The following ASTN2 variants were observed in gnomAD, a reference collection of about 807,000 sequenced individuals.
ASTN2 encodes astrotactin-2.
Under a neutral mutation model 139.8 loss-of-function variants are expected in ASTN2, and 54 were observed. The observed-to-expected ratio is 0.39, with a 90% CI of 0.31 to 0.48. ASTN2 has a LOEUF of 0.48. Among genes scored for constraint, ASTN2 ranks in the 20% least tolerant of loss-of-function variants. The pLI, the probability that ASTN2 is intolerant of heterozygous loss-of-function variation, is 0.95. For synonymous variants in ASTN2, 756 were observed against 719.5 expected, an observed-to-expected ratio of 1.05 and a Z score of -0.81; for missense variants, 1,565 against 1,725.1, an observed-to-expected ratio of 0.91 and a Z score of 1.64.
intron 19 of ASTN2, among the ~76,000 whole-genome samples, chr9:116,565,425 ATATATT>A (rs1853176935): frequency 1.7e-4 from 15 of 85,802 alleles, no homozygotes; most frequent in East Asian, 7.0e-4. Flanking sequence ...ATATATATAT[ATATATT>A]TATTTATTTA....
At position 117,414,966 on chromosome 9, in the gene ASTN2, G is replaced by C. The variant is rs1439968487; in HGVS notation, c.-28C>G. ...CGGGAGGGGCTGCGGTGCTGCGGGC[G>C]GCGGCGGCGGTGGCGGCGGTGGCGA... On this transcript the variant is annotated 5_prime_UTR_variant, in exon 1 of 23. Coordinates refer to ENST00000313400, the MANE Select transcript of ASTN2 (RefSeq NM_001365068.1). This position sits in a 1 kb window ranked among gnomAD's most constrained non-coding sequence, Gnocchi z 4.2. 1 of 238,708 alleles carries C rather than the reference G, an allele frequency of 4.2e-6. No individual in the cohort carries two copies. The highest frequency in any genetic ancestry group is 7.2e-6 in the Non-Finnish European group (1 of 138,364). 14.8% of individuals were successfully genotyped at this position (238,708 alleles called of 1,614,324 possible). A position where few individuals can be genotyped will look rare whatever the true frequency, so the allele number is the denominator to read the frequency against.
chr9:116,548,202 GTCAGGAGGCTGCCCTCCTGCCTGGCT>G (rs1564106454), intron 19 of ASTN2, among the ~76,000 whole-genome samples: 1 of 152,212 alleles, frequency 6.6e-6, no homozygotes, highest in African/African-American at 2.4e-5. Context: ...GGCTCTGGCA[GTCAGGAGGCTGCCCTCCTGCCTGGCT>G]CCATCAGAGG....
chr9:117,353,434 T>A (rs1340831800), intron 1 of ASTN2, among the ~76,000 whole-genome samples: 1 of 152,202 alleles, frequency 6.6e-6, no homozygotes, highest in African/African-American at 2.4e-5. Context: ...GCTGGGCAAC[T>A]AATATTTTAA....
chr9:117,350,926 C>T (rs1829367970), intron 1 of ASTN2, among the ~76,000 whole-genome samples: 1 of 152,124 alleles, frequency 6.6e-6, no homozygotes, highest in Non-Finnish European at 1.5e-5. Context: ...ACAATTAAGC[C>T]ATCCTAGGGG....
Position 116,697,918 on chromosome 9 carries a change from T to C in ASTN2, c.2806+27853A>G, listed in dbSNP as rs1261435168. The C allele has an allele frequency of 4.3e-6, 7 of 1,614,074 alleles. No individual in the cohort carries two copies. The highest frequency in any genetic ancestry group is 5.9e-6 in the Non-Finnish European group (7 of 1,180,046). Reference sequence around the variant, plus strand: ...CTATTGGCCAGTAGCATCAATGGTGTCCGCTGTCCCTTTTGCAGCAAGATT... The same window carrying C: ...CTATTGGCCAGTAGCATCAATGGTGCCCGCTGTCCCTTTTGCAGCAAGATT... On this transcript the variant is annotated intron_variant, in intron 16 of 22. Transcript: ENST00000313400.
intron 3 of ASTN2, among the ~76,000 whole-genome samples, chr9:117,169,923 C>T (rs796806844): frequency 2.6e-5 from 4 of 152,232 alleles, no homozygotes; most frequent in African/African-American, 9.6e-5. Flanking sequence ...AGTACTTCCT[C>T]TTAGGAGGCA....
chr9:117,127,512 TC>T (rs1829718534), intron 4 of ASTN2, among the ~76,000 whole-genome samples: 2 of 152,150 alleles, frequency 1.3e-5, no homozygotes, highest in African/African-American at 4.8e-5. Context: ...AATGGGTTCA[TC>T]TTGTCCATTG....
chr9:116,647,930 C>T (rs1300176464), intron 17 of ASTN2, among the ~76,000 whole-genome samples: 4 of 152,070 alleles, frequency 2.6e-5, no homozygotes, highest in African/African-American at 9.7e-5. Context: ...TGCGCTCAAG[C>T]GATCCTCCCA....
intron 10 of ASTN2, among the ~76,000 whole-genome samples, chr9:116,893,855 G>T (rs1833821849): frequency 6.6e-6 from 1 of 151,870 alleles, no homozygotes; most frequent in Non-Finnish European, 1.5e-5. Context: ...GCTGATTTAG[G>T]GATACCAAGA....
At chr9:116,918,048 T>G (rs1834501420) in intron 10 of ASTN2, among the ~76,000 whole-genome samples, 1 of 152,162 alleles carries the variant, frequency 6.6e-6, no homozygotes, top group South Asian at 2.1e-4. Context: ...GGTTTCCGCT[T>G]TTGCTTCTTC....
intron 7 of ASTN2, among the ~76,000 whole-genome samples, chr9:117,002,199 C>A (rs1046396100): frequency 6.6e-6 from 1 of 152,132 alleles, no homozygotes; most frequent in African/African-American, 2.4e-5. Flanking sequence ...GACTTTCTAG[C>A]AGGGGAGATA....
chr9:117,214,788 A>G, intron 2 of ASTN2, 46 bp from the exon 3 acceptor site: 1 of 1,429,002 alleles, frequency 7.0e-7, no homozygotes, highest in South Asian at 1.7e-5. Context: ...TGTTCTTTGG[A>G]ATCGAGGGCT....
intron 2 of ASTN2, among the ~76,000 whole-genome samples, chr9:117,290,321 A>T (rs892290477): frequency 6.6e-6 from 1 of 152,228 alleles, no homozygotes; most frequent in African/African-American, 2.4e-5. Flanking sequence ...CTTTCTACCT[A>T]CTGGATTTAT....
intron 19 of ASTN2, chr9:116,540,801 G>A (rs1436418037): frequency 6.6e-6 from 1 of 152,058 alleles, no homozygotes; most frequent in African/African-American, 2.4e-5. Flanking sequence ...GATTATTTTT[G>A]TCTAAAATGC....
At chr9:117,293,300 C>T (rs1834641217) in intron 1 of ASTN2, among the ~76,000 whole-genome samples, 1 of 152,166 alleles carries the variant, frequency 6.6e-6, no homozygotes, top group Non-Finnish European at 1.5e-5. Flanking sequence ...CTCTCTTCTT[C>T]CACCCTTGTC....
intron 17 of ASTN2, among the ~76,000 whole-genome samples, chr9:116,629,112 CTTTTT>C (rs57200909): frequency 6.0e-5 from 6 of 100,488 alleles, no homozygotes; most frequent in African/African-American, 2.6e-4. Flanking sequence ...TCCAGTAACT[CTTTTT>C]TTTTTTTTTT....
chr9:116,563,557 C>T (rs1030093527), intron 19 of ASTN2, among the ~76,000 whole-genome samples: 23 of 152,098 alleles, frequency 1.5e-4, no homozygotes, highest in African/African-American at 5.3e-4. Context: ...ACCTGAGATG[C>T]TCTTTGTTCA....
Position 116,844,528 on chromosome 9 carries a change from G to T in ASTN2, c.2040+19055C>A, listed in dbSNP as rs774704101. On this transcript the variant is annotated intron_variant, in intron 11 of 22. Transcript: ENST00000313400. ...CCATGTAATGTTAGCCAGTCACTTC[G>T]TTAACATTTGAACCTCAACTTCCTC... is the stretch of plus-strand genomic sequence containing the variant. Among the ~76,000 whole-genome samples the T allele has an allele frequency of 7.5e-4, 114 of 151,254 alleles. 1 individual carries two copies. Among genetic ancestry groups the T allele is most frequent in the Non-Finnish European group, 1.9e-4 (13 of 67,920 alleles).
intron 3 of ASTN2, among the ~76,000 whole-genome samples, chr9:117,172,394 G>T (rs530631866): frequency 7.2e-5 from 11 of 152,198 alleles, no homozygotes; most frequent in Admixed American, 5.2e-4. Context: ...ATGTTGGTCT[G>T]GGTGGTGGTT....
Sources: gnomAD v4.1 joint callset for allele counts (sites outside exome capture counted in the v4.1 genomes callset) on GRCh38, gnomAD v4.1.1 for gene constraint, Gnocchi (gnomAD v3.1) non-coding constraint, MANE v1.5 for transcripts, NCBI Gene and HGNC (gene_info 2026-07-23, HGNC 2026-07-21) for gene names.